ADGRD2: variants seen among roughly 807,000 people sequenced by gnomAD.
The protein encoded by ADGRD2 is G protein-coupled receptor PGR24.
In ADGRD2, 71 loss-of-function variants were observed where a neutral mutation model predicts 44.4. The ratio of observed to expected loss-of-function variants is 1.60; its 90% CI spans 1.32 to 1.95. The LOEUF (loss-of-function observed/expected upper bound fraction) is 1.95, where lower values mean the gene tolerates loss of function less well. ADGRD2 is among the 30% of genes most tolerant of loss of function. The pLI is 0.00. For missense variants in ADGRD2, 1,039 were observed against 512.4 expected, an observed-to-expected ratio of 2.03 and a Z score of -9.92; for synonymous variants, 481 against 224.8, an observed-to-expected ratio of 2.14 and a Z score of -10.19.
chr9:124,451,941 T>C, upstream of ADGRD2: 1 of 642,306 alleles, frequency 1.6e-6, no homozygotes, highest in Admixed American at 2.3e-5. Context: ...GATCACACTC[T>C]GAGTGGTGGG....
At chr9:124,468,114 T>G in exon 13 of ADGRD2, 1 of 718,528 alleles carries the variant, frequency 1.4e-6, no homozygotes, top group Non-Finnish European at 2.6e-6. Context: ...CGAACCACAG[T>G]CCACAAGAAC....
At position 124,454,948 on chromosome 9, in the gene ADGRD2, C is replaced by A. The variant is rs1272783320; in HGVS notation, c.1216C>A (p.Leu406Met). The A allele has an allele frequency of 2.8e-6, 2 of 717,758 alleles. No individual in the cohort carries two copies. The highest frequency in any genetic ancestry group is 2.0e-5 in the Admixed American group (1 of 50,006). The allele number at this position is 717,758 out of a possible 1,614,324, so 44.5% of individuals were successfully genotyped here. A position where few individuals can be genotyped will look rare whatever the true frequency, so the allele number is the denominator to read the frequency against. The change falls in exon 6 of 22, where the codon CTG becomes ATG. Residue 406 changes from leucine (L) to methionine (M), a missense_variant. Physicochemically the swap from Leu to Met is conservative, Grantham distance 15. Coordinates refer to ENST00000334810, the Ensembl canonical transcript of ADGRD2. The surrounding 1 kb of genome is among the most constrained non-coding windows in gnomAD (Gnocchi z 4.5). ...TGTCCTGGCGATGGAGATGGCTCCC[C>A]TGGGGCCGGCCGCACTGCTGGCTGT...
rs552315012 is a variant in ADGRD2 at position 124,459,756 on chromosome 9, G to A, written c.1870+1035G>A. ...TGTATTAGGTATTACAAGTAATCTA[G>A]AGATGACTTAAAGTATACAGGAGCA... On this transcript the variant is annotated intron_variant, in intron 10 of 21. Coordinates refer to ENST00000334810, the Ensembl canonical transcript of ADGRD2. Among the ~76,000 whole-genome samples the A allele has an allele frequency of 1.8e-4, 28 of 152,178 alleles. 1 individual carries two copies. In the South Asian group the frequency reaches 5.4e-3, roughly 29 times the overall value.
At chr9:124,458,303 C>G (rs545410352) in intron 9 of ADGRD2, 67 bp downstream of exon 12, 6 of 705,240 alleles carry the variant, frequency 8.5e-6, no homozygotes, top group Non-Finnish European at 1.6e-5. Flanking sequence ...CCAAAGCCCC[C>G]GTTCTGGTGG....
At chr9:124,476,257 T>G in intron 19 of ADGRD2, 100 bp from the exon 23 acceptor site, 1 of 615,556 alleles carries the variant, frequency 1.6e-6, no homozygotes, top group Non-Finnish European at 3.0e-6. Context: ...TGGAGTGGAT[T>G]CTTAGCGTAT....
intron 13 of ADGRD2, 27 bp from the exon 17 acceptor site, chr9:124,468,492 T>C (rs1262075021): frequency 1.4e-6 from 1 of 718,074 alleles, no homozygotes; most frequent in Admixed American, 2.0e-5. Flanking sequence ...ACCTCGGACC[T>C]GGGTGGGGAT....
chr9:124,454,831 C>T lies in ADGRD2; in HGVS notation c.1109-12C>T, dbSNP rs180947607. 7.2e-5 allele frequency: 49 copies of T among 682,880 alleles called. No homozygotes were observed. In the Middle Eastern group the frequency reaches 1.9e-3, roughly 26 times the overall value. 42.3% of individuals were successfully genotyped at this position (682,880 alleles called of 1,614,324 possible). A position where few individuals can be genotyped will look rare whatever the true frequency, so the allele number is the denominator to read the frequency against. ...CAACCAGACCCAGAGTCAGTGGCTC[C>T]TCTGTCCACAGCTCCTCCCGGACCC... On this transcript the variant is annotated splice_polypyrimidine_tract_variant and intron_variant, in intron 5 of 21. Transcript: ENST00000334810. This position sits in a 1 kb window ranked among gnomAD's most constrained non-coding sequence, Gnocchi z 4.5.
intron 13 of ADGRD2, 120 bp downstream of exon 16, chr9:124,468,310 G>A: frequency 1.4e-6 from 1 of 689,984 alleles, no homozygotes; most frequent in Non-Finnish European, 2.7e-6. Flanking sequence ...CTGGGGAGGA[G>A]CAGGGCCCGG....
intron 17 of ADGRD2, among the ~76,000 whole-genome samples, chr9:124,472,349 T>A: frequency 6.6e-6 from 1 of 152,200 alleles, no homozygotes; most frequent in Non-Finnish European, 1.5e-5. Context: ...GGATGTTTTT[T>A]CTGGCACTGA....
At position 124,458,734 on chromosome 9, in the gene ADGRD2, G is replaced by A. The variant is rs752516398; in HGVS notation, c.1870+13G>A. The stretch of plus-strand genomic sequence containing the variant: ...GCACCGGGCCCAGGTACTGGGTGGC[G>A]CTTCTGGGAAGCAGCCATCCTGGCG... On this transcript the variant is annotated intron_variant, in intron 10 of 21. Coordinates refer to ENST00000334810, the Ensembl canonical transcript of ADGRD2. 1.3e-5 allele frequency: 9 copies of A among 717,078 alleles called. No homozygotes were observed. The highest frequency in any genetic ancestry group is 4.0e-5 in the Admixed American group (2 of 49,882). 44.4% of individuals were successfully genotyped at this position (717,078 alleles called of 1,614,324 possible).
chr9:124,460,388 A>ATATT (rs33991643), intron 10 of ADGRD2, among the ~76,000 whole-genome samples: 2,198 of 145,204 alleles, frequency 0.015, 56 homozygotes, highest in African/African-American at 0.052. Context: ...ATATATATAT[A>ATATT]TTTTTTTTTA....
chr9:124,466,515 C>T, intron 11 of ADGRD2, 102 bp downstream of exon 14: 1 of 573,352 alleles, frequency 1.7e-6, no homozygotes, highest in Non-Finnish European at 3.2e-6. Flanking sequence ...GGGATGCCAG[C>T]TTTCATAGAT....
intron 2 of ADGRD2, 58 bp from the exon 6 acceptor site, chr9:124,452,977 G>T: frequency 1.6e-6 from 1 of 618,676 alleles, no homozygotes; most frequent in South Asian, 1.9e-5. Flanking sequence ...CAAAGGGCAG[G>T]GGCAGGACCA....
At chr9:124,452,556 C>T (rs769664097) in exon 2 of ADGRD2, 2 of 718,572 alleles carry the variant, frequency 2.8e-6, no homozygotes, top group South Asian at 3.0e-5. Context: ...GTGGGGTGTG[C>T]AAGTTCTCTG....
chr9:124,477,318 C>T, intron 21 of ADGRD2, among the ~76,000 whole-genome samples: 1 of 152,188 alleles, frequency 6.6e-6, no homozygotes, highest in Admixed American at 6.5e-5. Flanking sequence ...GGACCCTGAC[C>T]GCTGGCCGCC....
chr9:124,469,572 G>A, intron 16 of ADGRD2, 25 bp downstream of exon 19: 3 of 716,100 alleles, frequency 4.2e-6, no homozygotes, highest in Non-Finnish European at 7.8e-6. Context: ...TGGGGGGCCA[G>A]CAGGAAGCAG....
At chr9:124,477,845 C>A (rs1445365876) in intron 21 of ADGRD2, among the ~76,000 whole-genome samples, 3 of 149,636 alleles carry the variant, frequency 2.0e-5, no homozygotes, top group Non-Finnish European at 4.4e-5. Flanking sequence ...GCTGCAGGAA[C>A]AAGAGAGCGG....
At chr9:124,469,161 TG>T (rs1366145902) in intron 14 of ADGRD2, 60 bp from the exon 18 acceptor site, 6 of 665,136 alleles carry the variant, frequency 9.0e-6, no homozygotes, top group African/African-American at 8.8e-5. Flanking sequence ...GGGCGGATCC[TG>T]GGTCCTGGAG....
chr9:124,466,430 A>AG lies in ADGRD2; in HGVS notation c.2026+23dup, dbSNP rs747352790. The AG allele has an allele frequency of 1.5e-5, 10 of 667,594 alleles. No homozygotes were observed. Among genetic ancestry groups the AG allele is most frequent in the East Asian group, 8.4e-5 (3 of 35,726 alleles). 41.4% of individuals were successfully genotyped at this position (667,594 alleles called of 1,614,324 possible). A position where few individuals can be genotyped will look rare whatever the true frequency, so the allele number is the denominator to read the frequency against. On this transcript the variant is annotated intron_variant, in intron 11 of 21. Coordinates refer to ENST00000334810, the Ensembl canonical transcript of ADGRD2. The stretch of plus-strand genomic sequence containing the variant: ...GAAGTACAGGTGAGTGCACGGTGGG[A>AG]GGGGGGTGTCAGGAGGGGGCTTCTT...
Sources: allele counts gnomAD v4.1 joint callset (sites outside exome capture counted in the v4.1 genomes callset), GRCh38; gene constraint gnomAD v4.1.1; non-coding constraint Gnocchi (gnomAD v3.1); transcripts MANE v1.5; gene names NCBI Gene and HGNC (gene_info 2026-07-23, HGNC 2026-07-21).